The following LRP2 variants were observed in gnomAD, a reference collection of about 807,000 sequenced individuals.
The protein encoded by LRP2 is low-density lipoprotein receptor-related protein 2.
A neutral mutation model predicts 531.0 loss-of-function variants in LRP2; 172 were observed. The observed-to-expected ratio is 0.32, with a 90% CI of 0.29 to 0.37. The LOEUF (loss-of-function observed/expected upper bound fraction) is 0.37. Among genes scored for constraint, LRP2 ranks in the 10% least tolerant of loss-of-function variants. LRP2 has a pLI of 1.00. For synonymous variants in LRP2, 1,992 were observed against 2,027.6 expected, an observed-to-expected ratio of 0.98 and a Z score of 0.47; for missense variants, 5,167 against 5,868.3, an observed-to-expected ratio of 0.88 and a Z score of 3.90.
At chr2:169,208,469 T>C (rs1446620135) in intron 38 of LRP2, among the ~76,000 whole-genome samples, 1 of 152,146 alleles carries the variant, frequency 6.6e-6, no homozygotes, top group Non-Finnish European at 1.5e-5. Context: ...AATTTTTTTT[T>C]AATTCGAGAC....
At chr2:169,162,301 G>A (rs1424662554) in intron 63 of LRP2, among the ~76,000 whole-genome samples, 171 bp downstream of exon 63, 2 of 152,202 alleles carry the variant, frequency 1.3e-5, no homozygotes, top group African/African-American at 2.4e-5. Flanking sequence ...TTGACACAAT[G>A]TCTGGTCTAG....
chr2:169,158,061 T>TATACACACAC (rs71397692), intron 63 of LRP2, among the ~76,000 whole-genome samples: 7 of 141,480 alleles, frequency 4.9e-5, no homozygotes, highest in East Asian at 2.1e-4. Flanking sequence ...ATTGATTATA[T>TATACACACAC]ACACACACAC....
At position 169,137,377 on chromosome 2, in the gene LRP2, T is replaced by C; in HGVS notation, c.13620+15A>G. On this transcript the variant is annotated intron_variant, in intron 76 of 78. Coordinates refer to ENST00000649046, the MANE Select transcript of LRP2 (RefSeq NM_004525.3). ...GACAGCAGTAACTGAAAGAAAAGAC[T>C]GTATGGTTTCTCACCTGGATTGGCT... 1 of 1,560,644 alleles carries C rather than the reference T, an allele frequency of 6.4e-7. No homozygotes were observed. The highest frequency in any genetic ancestry group is 8.8e-7 in the Non-Finnish European group (1 of 1,131,384).
At position 169,206,614 on chromosome 2, in the gene LRP2, T is replaced by A. The variant is rs1688397655; in HGVS notation, c.7106A>T (p.Asp2369Val). The change falls in exon 39 of 79, where the codon GAC becomes GTC. Residue 2369 changes from aspartate (D) to valine (V), a missense_variant. By Grantham distance (152) the Asp-to-Val change is radical. Around this residue, in one of 6 missense-constraint regions of LRP2, gnomAD observed 2,811 missense variants for 3,058.0 expected, o/e 0.92. Transcript: ENST00000649046. ...ALPGLHTPKC[D>V]CAFGTLQSDG... ...ACTTTGCAGGGTCCCAAAGGCACAGTCACATTTTGGGGTGTGCAATCCAGG... is the reference window on the plus strand; with the variant it reads ...ACTTTGCAGGGTCCCAAAGGCACAGACACATTTTGGGGTGTGCAATCCAGG... 1 of 1,614,130 alleles carries A rather than the reference T, an allele frequency of 6.2e-7. No individual in the cohort carries two copies. Among genetic ancestry groups the A allele is most frequent in the South Asian group, 1.1e-5 (1 of 91,078 alleles).
At position 169,133,491 on chromosome 2, in the gene LRP2, T is replaced by C. The variant is rs149042656; in HGVS notation, c.13621-810A>G. On this transcript the variant is annotated intron_variant, in intron 76 of 78. Transcript: ENST00000649046. ...TTTATCAGAGGATCAGGGAAAATGC[T>C]TTCAAGATTTAAACATTTCCGATCT... Among the ~76,000 whole-genome samples, 317 of 152,360 alleles carry C rather than the reference T, an allele frequency of 2.1e-3. 9 individuals are homozygous for C. The East Asian group carries it at 0.043, about 21-fold the overall frequency.
intron 76 of LRP2, among the ~76,000 whole-genome samples, chr2:169,133,080 C>G (rs1685351784): frequency 6.6e-6 from 1 of 152,206 alleles, no homozygotes; most frequent in South Asian, 2.1e-4. Context: ...CCCAACCTCA[C>G]TGATGAACTG....
At chr2:169,328,455 A>AAG (rs1464341612) in intron 1 of LRP2, among the ~76,000 whole-genome samples, 5 of 147,502 alleles carry the variant, frequency 3.4e-5, no homozygotes, top group Admixed American at 6.7e-5. Flanking sequence ...AAAAAAAAAA[A>AAG]AAAAAAAAAG....
chr2:169,348,297 G>A (rs1432659114), intron 1 of LRP2, among the ~76,000 whole-genome samples: 16 of 152,272 alleles, frequency 1.1e-4, no homozygotes, highest in Non-Finnish European at 1.5e-5. Context: ...TACGTATGGA[G>A]TCCTCAAAAG....
At chr2:169,305,319 T>C (rs1684386869) in intron 4 of LRP2, among the ~76,000 whole-genome samples, 1 of 152,172 alleles carries the variant, frequency 6.6e-6, no homozygotes, top group South Asian at 2.1e-4. Flanking sequence ...CCATGAACAG[T>C]ATAGTTTGAA....
intron 13 of LRP2, among the ~76,000 whole-genome samples, chr2:169,276,222 T>A (rs376532337): frequency 6.6e-6 from 1 of 152,158 alleles, no homozygotes; most frequent in Non-Finnish European, 1.5e-5. Flanking sequence ...TCTCTCTCAG[T>A]TAGCAAATTC....
Position 169,259,169 on chromosome 2 carries a change from G to C in LRP2, c.2369C>G (p.Ala790Gly), listed in dbSNP as rs560304461. 1 of 1,613,182 alleles carries C rather than the reference G, an allele frequency of 6.2e-7. No homozygotes were observed. The highest frequency in any genetic ancestry group is 1.3e-5 in the African/African-American group (1 of 74,924). Residue 790 changes from alanine to glycine, a missense_variant, in exon 17 of 79, where the codon GCT (alanine) becomes GGT (glycine). This residue lies in a region of LRP2 where 2,811 missense variants were observed against 3,058.0 expected (regional missense o/e 0.92). Transcript: ENST00000649046. Reference sequence around the variant, plus strand: ...GAGATTCTTTGAAATCCAATCAAAAGCCAAACTTTCAACATTTTCCACCCT... The same window carrying C: ...GAGATTCTTTGAAATCCAATCAAAACCCAAACTTTCAACATTTTCCACCCT... ...ANRVENVESL[A>G]FDWISKNLYW...
intron 77 of LRP2, among the ~76,000 whole-genome samples, chr2:169,129,883 G>A (rs957440674): frequency 1.3e-5 from 2 of 152,198 alleles, no homozygotes; most frequent in African/African-American, 4.8e-5. Context: ...TGGGAGACAA[G>A]GGAACAGACA....
intron 19 of LRP2, among the ~76,000 whole-genome samples, chr2:169,255,702 CA>C (rs763138383): frequency 6.6e-6 from 1 of 152,130 alleles, no homozygotes; most frequent in East Asian, 1.9e-4. Flanking sequence ...GAGATTCTTA[CA>C]AACACTGGAG....
At chr2:169,270,189 A>T (rs956597941) in intron 16 of LRP2, among the ~76,000 whole-genome samples, 24 of 152,210 alleles carry the variant, frequency 1.6e-4, no homozygotes, top group African/African-American at 5.5e-4. Flanking sequence ...ATTGTGGAAG[A>T]CAGTGTGGAG....
intron 64 of LRP2, 131 bp from the exon 65 acceptor site, chr2:169,156,536 C>A: frequency 4.0e-6 from 4 of 1,006,532 alleles, no homozygotes; most frequent in Non-Finnish European, 6.2e-6. Flanking sequence ...AGCAATGATA[C>A]AAACATTTGT....
chr2:169,291,700 A>G (rs1401556036), intron 7 of LRP2, among the ~76,000 whole-genome samples: 1 of 36,634 alleles, frequency 2.7e-5, no homozygotes, highest in East Asian at 2.6e-3. Flanking sequence ...AGCTTCTCCT[A>G]CACTTACCAT....
At chr2:169,359,477 C>T (rs1026898714) in intron 1 of LRP2, among the ~76,000 whole-genome samples, 28 of 152,008 alleles carry the variant, frequency 1.8e-4, no homozygotes, top group Admixed American at 1.6e-3. Flanking sequence ...TTTAGTGATG[C>T]GAAGTTTGCA....
intron 17 of LRP2, among the ~76,000 whole-genome samples, chr2:169,257,990 A>G (rs535365579): frequency 9.9e-5 from 15 of 152,260 alleles, no homozygotes; most frequent in African/African-American, 3.1e-4. Flanking sequence ...GGAATTCAAC[A>G]GTTTTTCAAA....
rs1312145445 is a variant in LRP2, at chr2:169,206,809, C to A, written c.6911G>T (p.Ser2304Ile). The A allele has an allele frequency of 4.3e-6, 7 of 1,614,156 alleles. No individual in the cohort carries two copies. The highest frequency in any genetic ancestry group is 1.6e-4 in the Middle Eastern group (1 of 6,062). Residue 2304 changes from serine to isoleucine, a missense_variant, in exon 39 of 79, where the codon AGC (serine) becomes ATC (isoleucine). This residue lies in a region of LRP2 where 2,811 missense variants were observed against 3,058.0 expected (regional missense o/e 0.92). Coordinates refer to ENST00000649046, the MANE Select transcript of LRP2 (RefSeq NM_004525.3). ...DRNLKKIFQA[S>I]KEPENTEPPT... ...TGGCTCTGTGTTCTCTGGTTCCTTGCTGGCTTGGAAGATCTTTTTCAAATT... is the reference window on the plus strand; with the variant it reads ...TGGCTCTGTGTTCTCTGGTTCCTTGATGGCTTGGAAGATCTTTTTCAAATT...
Sources: allele counts gnomAD v4.1 joint callset (sites outside exome capture counted in the v4.1 genomes callset), GRCh38; gene constraint gnomAD v4.1.1; regional missense constraint gnomAD v4.1.1; transcripts MANE v1.5; gene names NCBI Gene and HGNC (gene_info 2026-07-23, HGNC 2026-07-21).